PTPRD: variants seen among roughly 807,000 people sequenced by gnomAD.
PTPRD encodes the protein receptor-type tyrosine-protein phosphatase delta.
A neutral mutation model predicts 214.5 loss-of-function variants in PTPRD; 34 were observed. The observed-to-expected ratio is 0.16, with a 90% CI of 0.12 to 0.21. The LOEUF (loss-of-function observed/expected upper bound fraction) is 0.21. PTPRD is among the 10% of genes least tolerant of loss of function. The pLI is 1.00. For synonymous variants in PTPRD, 1,128 were observed against 845.7 expected (o/e 1.33, Z -5.79); for missense variants, 2,545 against 2,398.7 (o/e 1.06, Z -1.27).
At chr9:8,391,158 T>C (rs1437208136) in intron 36 of PTPRD, among the ~76,000 whole-genome samples, 1 of 152,044 alleles carries the variant, frequency 6.6e-6, no homozygotes, top group African/African-American at 2.4e-5. Context: ...TTCTTTATAA[T>C]GAAACATATG....
chr9:10,364,309 C>T (rs1233154079), intron 2 of PTPRD, among the ~76,000 whole-genome samples: 2 of 151,924 alleles, frequency 1.3e-5, no homozygotes, highest in Non-Finnish European at 2.9e-5. Flanking sequence ...TCTATTACCT[C>T]CACGTTTTAG....
intron 11 of PTPRD, among the ~76,000 whole-genome samples, chr9:8,799,290 T>C (rs1028335551): frequency 6.6e-6 from 1 of 152,196 alleles, no homozygotes; most frequent in Non-Finnish European, 1.5e-5. Context: ...GCACAGATAA[T>C]GCTAGAAAGT....
At chr9:9,610,768 T>C (rs1484413407) in intron 7 of PTPRD, among the ~76,000 whole-genome samples, 2 of 152,186 alleles carry the variant, frequency 1.3e-5, no homozygotes, top group African/African-American at 2.4e-5. Context: ...ATTCTCATTG[T>C]AGGTGATTGG....
At chr9:8,544,396 AT>A (rs1430131859) in intron 14 of PTPRD, among the ~76,000 whole-genome samples, 1 of 149,624 alleles carries the variant, frequency 6.7e-6, no homozygotes, top group African/African-American at 2.5e-5. Context: ...TTACTTTTCA[AT>A]GGTAAAACAG....
chr9:9,616,453 C>A (rs545209300), intron 7 of PTPRD, among the ~76,000 whole-genome samples: 1 of 152,158 alleles, frequency 6.6e-6, no homozygotes, highest in South Asian at 2.1e-4. Context: ...ACCCCACTTT[C>A]CAAATACATA....
rs567921225 is a variant in PTPRD, at chr9:9,434,732, C to T, written c.-236-37250G>A. On this transcript the variant is annotated intron_variant, in intron 8 of 45. Coordinates refer to ENST00000381196, the MANE Select transcript of PTPRD (RefSeq NM_002839.4). The stretch of plus-strand genomic sequence containing the variant: ...ATATATGTATATACAACAAATCGTA[C>T]CCCATAAATATGTACAATTACAATG... Among the ~76,000 whole-genome samples, 87 of 151,848 alleles carry T rather than the reference C, an allele frequency of 5.7e-4. 3 individuals are homozygous for T. The East Asian group carries it at 9.7e-3, about 17-fold the overall frequency.
At chr9:9,727,560 C>A (rs1049121989) in intron 7 of PTPRD, among the ~76,000 whole-genome samples, 1 of 152,194 alleles carries the variant, frequency 6.6e-6, no homozygotes, top group Non-Finnish European at 1.5e-5. Context: ...TAAGTGATCA[C>A]TCTTCCATGT....
chr9:8,519,606 T>C (rs2097851523), intron 20 of PTPRD, among the ~76,000 whole-genome samples: 1 of 152,086 alleles, frequency 6.6e-6, no homozygotes, highest in Non-Finnish European at 1.5e-5. Flanking sequence ...TGACTTACTG[T>C]AAAATTGTGA....
At chr9:9,225,548 T>C (rs2099958899) in intron 9 of PTPRD, among the ~76,000 whole-genome samples, 1 of 152,046 alleles carries the variant, frequency 6.6e-6, no homozygotes, top group Admixed American at 6.6e-5. Flanking sequence ...TCCTCACACA[T>C]CACCCAATGC....
Position 9,743,535 on chromosome 9 carries a change from C to T in PTPRD, c.-325-8964G>A, listed in dbSNP as rs139985762. Reference sequence around the variant, plus strand: ...ATCCTGGACTTCATGGGCCATCTGACCTCCCTAAGGGCCCATTTCTCTGGT... The same window carrying T: ...ATCCTGGACTTCATGGGCCATCTGATCTCCCTAAGGGCCCATTTCTCTGGT... On this transcript the variant is annotated intron_variant, in intron 6 of 45. Coordinates refer to ENST00000381196, the MANE Select transcript of PTPRD (RefSeq NM_002839.4). Among the ~76,000 whole-genome samples, 178 of 152,128 alleles carry T rather than the reference C, an allele frequency of 1.2e-3. 1 individual carries two copies. Among genetic ancestry groups the T allele is most frequent in the African/African-American group, 4.0e-3 (168 of 41,512 alleles).
chr9:8,453,376 G>T (rs1466860375), intron 33 of PTPRD, among the ~76,000 whole-genome samples: 1 of 152,142 alleles, frequency 6.6e-6, no homozygotes, highest in East Asian at 1.9e-4. Flanking sequence ...GTGTTAGTCA[G>T]GATGGTCTCG....
rs1555536519 is a variant in PTPRD, at chr9:8,929,741, A to ATG, written c.-104+88954_-104+88955dup. ...TGTGTATATATATATGTGTATATAT[A>ATG]TGTGTATATATATATGTATATATAT... is the stretch of plus-strand genomic sequence containing the variant. On this transcript the variant is annotated intron_variant, in intron 11 of 45. Coordinates refer to ENST00000381196, the MANE Select transcript of PTPRD (RefSeq NM_002839.4). Among the ~76,000 whole-genome samples, 58 of 101,714 alleles carry ATG rather than the reference A, an allele frequency of 5.7e-4. 3 individuals carry two copies. The highest frequency in any genetic ancestry group is 5.9e-3 in the Middle Eastern group (1 of 170). The allele number at this position is 101,714 out of a possible 152,430, so 66.7% of individuals were successfully genotyped here.
chr9:10,331,833 G>A (rs890235523), intron 3 of PTPRD, among the ~76,000 whole-genome samples: 1 of 151,798 alleles, frequency 6.6e-6, no homozygotes, highest in African/African-American at 2.4e-5. Flanking sequence ...ATCACTTTCA[G>A]TTGGCATTTT....
intron 8 of PTPRD, among the ~76,000 whole-genome samples, chr9:9,486,759 C>T (rs950264988): frequency 6.6e-6 from 1 of 152,160 alleles, no homozygotes; most frequent in African/African-American, 2.4e-5. Flanking sequence ...AGGATACACA[C>T]CCTCCAAAAG....
chr9:9,957,564 G>A (rs1254128623), intron 4 of PTPRD, among the ~76,000 whole-genome samples: 1 of 152,004 alleles, frequency 6.6e-6, no homozygotes, highest in Non-Finnish European at 1.5e-5. Context: ...CATTCTATGA[G>A]GCTATTTTTC....
intron 3 of PTPRD, among the ~76,000 whole-genome samples, chr9:10,329,662 A>T (rs79813868): frequency 0.046 from 6,989 of 151,906 alleles, 510 homozygotes; most frequent in African/African-American, 0.16. Flanking sequence ...CTTTTCTTAT[A>T]TAAAGGTTGG....
intron 11 of PTPRD, among the ~76,000 whole-genome samples, chr9:9,006,476 T>C (rs1429150612): frequency 6.6e-6 from 1 of 152,080 alleles, no homozygotes; most frequent in Non-Finnish European, 1.5e-5. Context: ...TTATTCTGAA[T>C]AGTCACTGAT....
At chr9:9,775,055 T>C (rs1163289635) in intron 5 of PTPRD, among the ~76,000 whole-genome samples, 1 of 152,200 alleles carries the variant, frequency 6.6e-6, no homozygotes, top group Non-Finnish European at 1.5e-5. Context: ...TCCCTCATTA[T>C]TTCTGAGAGC....
intron 14 of PTPRD, among the ~76,000 whole-genome samples, chr9:8,569,073 A>G (rs1406070271): frequency 6.6e-6 from 1 of 151,602 alleles, no homozygotes; most frequent in East Asian, 1.9e-4. Flanking sequence ...CTTCCTTCCT[A>G]CCTCCAGAGG....
Sources: allele counts gnomAD v4.1 joint callset (sites outside exome capture counted in the v4.1 genomes callset), GRCh38; gene constraint gnomAD v4.1.1; transcripts MANE v1.5; gene names NCBI Gene and HGNC (gene_info 2026-07-23, HGNC 2026-07-21).